FRMD4A: variants seen among roughly 807,000 people sequenced by gnomAD.
FRMD4A encodes the protein FERM domain containing 4A, also known as FERM domain-containing protein 4A.
A neutral mutation model predicts 129.1 loss-of-function variants in FRMD4A; 29 were observed. That is an observed-to-expected ratio of 0.22 (90% confidence interval 0.17 to 0.31). The LOEUF (loss-of-function observed/expected upper bound fraction) is 0.31. Among genes scored for constraint, FRMD4A ranks in the 10% least tolerant of loss-of-function variants. The pLI is 1.00. For missense variants in FRMD4A, 1,272 were observed against 1,375.8 expected (o/e 0.92, Z 1.19); for synonymous variants, 634 against 571.6 (o/e 1.11, Z -1.56).
At chr10:14,232,321 T>C (rs913175710) in intron 2 of FRMD4A, among the ~76,000 whole-genome samples, 5 of 152,236 alleles carry the variant, frequency 3.3e-5, no homozygotes, top group Non-Finnish European at 7.3e-5. Context: ...CCTGCTGTTT[T>C]GGTAACTGTA....
intron 2 of FRMD4A, among the ~76,000 whole-genome samples, chr10:14,036,735 C>A (rs1030864705): frequency 2.0e-4 from 31 of 152,158 alleles, no homozygotes; most frequent in African/African-American, 7.0e-4. Flanking sequence ...GGCTATTGAC[C>A]ATTATACTCG....
chr10:13,929,868 T>C (rs1266725850), intron 2 of FRMD4A, among the ~76,000 whole-genome samples: 2 of 152,120 alleles, frequency 1.3e-5, no homozygotes, highest in African/African-American at 4.8e-5. Context: ...TTTGTGTCAG[T>C]TTGCTCATCT....
At chr10:13,944,784 A>G (rs1453399496) in intron 2 of FRMD4A, among the ~76,000 whole-genome samples, 1 of 152,240 alleles carries the variant, frequency 6.6e-6, no homozygotes, top group Non-Finnish European at 1.5e-5. Flanking sequence ...AAGGCTTAAA[A>G]AATACATTCT....
intron 24 of FRMD4A, chr10:13,649,742 G>A (rs1279429110): frequency 6.6e-6 from 1 of 152,156 alleles, no homozygotes; most frequent in Non-Finnish European, 1.5e-5. Flanking sequence ...CTAAGCCTTT[G>A]CCTTTCAGTA....
intron 14 of FRMD4A, among the ~76,000 whole-genome samples, chr10:13,698,649 A>T (rs2086471818): frequency 6.6e-6 from 1 of 152,248 alleles, no homozygotes; most frequent in Admixed American, 6.5e-5. Context: ...TATTTCCTCA[A>T]GCAATTTCAC....
intron 2 of FRMD4A, among the ~76,000 whole-genome samples, chr10:13,959,471 T>TAAAAAAAAAAAAAAA (rs56192445): frequency 1.9e-5 from 1 of 53,110 alleles, no homozygotes; most frequent in African/African-American, 7.7e-5. Flanking sequence ...GACTGTTTCA[T>TAAAAAAAAAAAAAAA]AAAAAAAAAA....
intron 4 of FRMD4A, among the ~76,000 whole-genome samples, chr10:13,798,940 C>T (rs2093187862): frequency 6.6e-6 from 1 of 152,078 alleles, no homozygotes; most frequent in South Asian, 2.1e-4. Context: ...CCCAGTAGGC[C>T]TTTCCCTTCC....
chr10:14,314,949 G>GT (rs11447715), intron 2 of FRMD4A, among the ~76,000 whole-genome samples: 119,914 of 149,972 alleles, frequency 0.8, 48,849 homozygotes, highest in Non-Finnish European at 0.88. Context: ...CTTATATATA[G>GT]TTTTTTTTTT....
intron 2 of FRMD4A, among the ~76,000 whole-genome samples, chr10:14,055,362 T>C (rs537437529): frequency 2.6e-5 from 4 of 152,230 alleles, no homozygotes; most frequent in African/African-American, 7.2e-5. Context: ...GGCAGTAAGA[T>C]GTGCAATAAT....
At chr10:13,939,963 G>A (rs1030746496) in intron 2 of FRMD4A, among the ~76,000 whole-genome samples, 1 of 152,106 alleles carries the variant, frequency 6.6e-6, no homozygotes, top group South Asian at 2.1e-4. Flanking sequence ...CAATTATTTG[G>A]CCATGCAAAC....
intron 2 of FRMD4A, among the ~76,000 whole-genome samples, chr10:14,027,012 A>C (rs549740351): frequency 2.2e-4 from 34 of 152,260 alleles, no homozygotes; most frequent in African/African-American, 7.2e-4. Flanking sequence ...GTTACATGAG[A>C]TATTTTGATC....
intron 13 of FRMD4A, among the ~76,000 whole-genome samples, 154 bp from the exon 14 acceptor site, chr10:13,701,632 C>T (rs1384822995): frequency 6.6e-6 from 1 of 152,230 alleles, no homozygotes; most frequent in Non-Finnish European, 1.5e-5. Flanking sequence ...TACACACACA[C>T]ACATGCGCAC....
intron 2 of FRMD4A, among the ~76,000 whole-genome samples, chr10:13,966,309 T>C (rs950702485): frequency 3.3e-5 from 5 of 152,182 alleles, no homozygotes; most frequent in Admixed American, 2.0e-4. Context: ...TAATTTTTAA[T>C]GATTTTCCTT....
intron 13 of FRMD4A, among the ~76,000 whole-genome samples, chr10:13,701,857 T>C (rs1541006): frequency 0.17 from 25,886 of 152,160 alleles, 2,909 homozygotes; most frequent in Non-Finnish European, 0.23. Context: ...AGACAGGAAA[T>C]GTGCCTACGG....
intron 2 of FRMD4A, among the ~76,000 whole-genome samples, chr10:13,867,552 C>T (rs1297990462): frequency 6.9e-6 from 1 of 145,166 alleles, no homozygotes; most frequent in African/African-American, 2.5e-5. Context: ...TGAGCCACCA[C>T]TTTCAGCCCA....
intron 3 of FRMD4A, among the ~76,000 whole-genome samples, chr10:13,848,595 AGTGTGTGTGTGTACGT>A (rs1414355504): frequency 1.6e-4 from 21 of 134,286 alleles, no homozygotes; most frequent in Admixed American, 1.0e-3. Context: ...CCTGGGTGTG[AGTGTGTGTGTGTACGT>A]GTGTGTGTGT....
At chr10:13,913,144 C>G (rs2094961613) in intron 2 of FRMD4A, among the ~76,000 whole-genome samples, 1 of 150,470 alleles carries the variant, frequency 6.6e-6, no homozygotes, top group African/African-American at 2.4e-5. Flanking sequence ...CATGGATGAA[C>G]CTTGGACACA....
intron 17 of FRMD4A, among the ~76,000 whole-genome samples, chr10:13,669,147 C>T (rs898109933): frequency 3.3e-5 from 5 of 150,540 alleles, no homozygotes; most frequent in Admixed American, 6.7e-5. Context: ...CCGCAACCTC[C>T]GACTCCCGGG....
chr10:14,106,036 C>G (rs61835732), intron 2 of FRMD4A, among the ~76,000 whole-genome samples: 58,493 of 152,050 alleles, frequency 0.38, 12,224 homozygotes, highest in East Asian at 0.56. Context: ...TGTTGTCATT[C>G]TTATTCTATC....
Sources: allele counts gnomAD v4.1 joint callset (sites outside exome capture counted in the v4.1 genomes callset), GRCh38; gene constraint gnomAD v4.1.1; transcripts MANE v1.5; gene names NCBI Gene and HGNC (gene_info 2026-07-23, HGNC 2026-07-21).